CES5A: variants seen among roughly 807,000 people sequenced by gnomAD.
CES5A encodes the protein carboxylesterase 5.
In CES5A, 67 loss-of-function variants were observed where a neutral mutation model predicts 62.9. The ratio of observed to expected loss-of-function variants is 1.07; its 90% CI spans 0.88 to 1.31. The LOEUF is 1.31. Among genes scored for constraint, CES5A ranks in the 50% most tolerant of loss-of-function variants. CES5A has a pLI of 0.00. For missense variants in CES5A, 748 were observed against 708.5 expected (o/e 1.06, Z -0.63); for synonymous variants, 296 against 280.8 (o/e 1.05, Z -0.54).
intron 4 of CES5A, among the ~76,000 whole-genome samples, chr16:55,868,694 G>C (rs1171683309): frequency 2.0e-5 from 3 of 152,186 alleles, no homozygotes; most frequent in African/African-American, 7.2e-5. Flanking sequence ...ATGTGACAGT[G>C]ACCCGCAAGC....
At chr16:55,857,335 G>A (rs9940306) in intron 8 of CES5A, among the ~76,000 whole-genome samples, 49,934 of 152,066 alleles carry the variant, frequency 0.33, 9,412 homozygotes, top group African/African-American at 0.52. Context: ...TGTAGTAAGT[G>A]CTTCCTGTGA....
chr16:55,907,665 C>T (rs191632707), intron 1 of CES5A, among the ~76,000 whole-genome samples: 2 of 152,272 alleles, frequency 1.3e-5, no homozygotes, highest in African/African-American at 4.8e-5. Context: ...TGTGGACCAG[C>T]ATAGTCAGAG....
chr16:55,863,456 G>T lies in CES5A; in HGVS notation c.706-4C>A, dbSNP rs762784595. The T allele has an allele frequency of 9.4e-6, 14 of 1,483,730 alleles. No homozygotes were observed. The South Asian group carries it at 1.6e-4, about 17-fold the overall frequency. The allele number at this position is 1,483,730 out of a possible 1,614,324, so 91.9% of individuals were successfully genotyped here. ...CTTTGGCCATGGGAGACAGTATCTG[G>T]AGAGAGAACACAGAAGACCCAGGAA... On this transcript the variant is annotated splice_region_variant and splice_polypyrimidine_tract_variant and intron_variant, in intron 5 of 12. Coordinates refer to ENST00000290567, the MANE Select transcript of CES5A (RefSeq NM_001143685.2).
At position 55,871,610 on chromosome 16, in the gene CES5A, A is replaced by T. The variant is rs1323426454; in HGVS notation, c.417+15T>A. 8.1e-6 allele frequency: 13 copies of T among 1,613,594 alleles called. No individual in the cohort carries two copies. Among genetic ancestry groups the T allele is most frequent in the Non-Finnish European group, 1.1e-5 (13 of 1,179,850 alleles). On this transcript the variant is annotated intron_variant, in intron 3 of 12. Coordinates refer to ENST00000290567, the MANE Select transcript of CES5A (RefSeq NM_001143685.2). ...CTGCTAGCTAGAGCCCGAAGCACACAGCAGGCAGCCTTACGGGGAGCTTGG... is the reference window on the plus strand; with the variant it reads ...CTGCTAGCTAGAGCCCGAAGCACACTGCAGGCAGCCTTACGGGGAGCTTGG...
At chr16:55,901,116 G>A (rs2033986273) in intron 1 of CES5A, among the ~76,000 whole-genome samples, 1 of 152,142 alleles carries the variant, frequency 6.6e-6, no homozygotes, top group African/African-American at 2.4e-5. Flanking sequence ...ATTGAATCAT[G>A]TGGGTGGGTC....
At chr16:55,854,866 CCTT>C (rs2033208970) in intron 9 of CES5A, among the ~76,000 whole-genome samples, 1 of 151,980 alleles carries the variant, frequency 6.6e-6, no homozygotes, top group South Asian at 2.1e-4. Context: ...AATCAAATGT[CCTT>C]CTTCCTTCTG....
At chr16:55,883,897 C>A (rs1305580779) in intron 1 of CES5A, among the ~76,000 whole-genome samples, 1 of 152,178 alleles carries the variant, frequency 6.6e-6, no homozygotes, top group Non-Finnish European at 1.5e-5. Flanking sequence ...CACTGTAAGC[C>A]AGTCTTTAGC....
intron 1 of CES5A, among the ~76,000 whole-genome samples, chr16:55,888,014 G>A (rs770182310): frequency 3.3e-5 from 5 of 152,140 alleles, no homozygotes; most frequent in Non-Finnish European, 7.3e-5. Context: ...GGTGATACCT[G>A]GACATAGGAA....
intron 2 of CES5A, among the ~76,000 whole-genome samples, chr16:55,943,782 A>G (rs1274442214): frequency 1.3e-5 from 2 of 152,166 alleles, no homozygotes; most frequent in African/African-American, 2.4e-5. Context: ...GAACAGAAAG[A>G]CAGGCCGGAA....
At chr16:55,919,554 C>T (rs1433783108) in intron 1 of CES5A, among the ~76,000 whole-genome samples, 1 of 152,200 alleles carries the variant, frequency 6.6e-6, no homozygotes, top group African/African-American at 2.4e-5. Flanking sequence ...TGGTGACCTC[C>T]CTTTGTCTCT....
At chr16:55,937,087 G>A (rs1041805377) in intron 2 of CES5A, among the ~76,000 whole-genome samples, 9 of 152,298 alleles carry the variant, frequency 5.9e-5, no homozygotes, top group African/African-American at 1.9e-4. Context: ...AGCAGAGAGG[G>A]TAGTTCTCTC....
rs1392322697 is a variant in CES5A, at chr16:55,856,535, G to A, written c.1057-90C>T. 20 of 1,244,776 alleles carry A rather than the reference G, an allele frequency of 1.6e-5. No individual in the cohort carries two copies. The African/African-American group carries it at 2.4e-4, about 15-fold the overall frequency. The allele number at this position is 1,244,776 out of a possible 1,614,324, so 77.1% of individuals were successfully genotyped here. ...GGGCCTGGGCAGCTGACTTTCACAG[G>A]GGAAGTTGGATAAGGAGCCCTCAAG... On this transcript the variant is annotated intron_variant, in intron 8 of 12. Transcript: ENST00000290567.
chr16:55,944,869 G>C (rs769911231), intron 2 of CES5A, among the ~76,000 whole-genome samples: 1 of 152,114 alleles, frequency 6.6e-6, no homozygotes, highest in African/African-American at 2.4e-5. Flanking sequence ...ATATCTACTT[G>C]TGTGCAAAGG....
intron 1 of CES5A, among the ~76,000 whole-genome samples, chr16:55,955,575 A>G (rs1211288727): frequency 6.6e-6 from 1 of 152,198 alleles, no homozygotes; most frequent in Non-Finnish European, 1.5e-5. Context: ...CACATGCCGC[A>G]TGGAGGAAAG....
chr16:55,873,975 T>C lies in CES5A; in HGVS notation c.136A>G (p.Thr46Ala). Residue 46 changes from threonine (T) to alanine (A), a missense_variant, in exon 2 of 13, where the codon ACT becomes GCT. Transcript: ENST00000290567. The part of the protein sequence containing the change: ...RLGWIQGKQV[T>A]VLGSPVPVNV... The stretch of plus-strand genomic sequence containing the variant: ...ACAGGCACAGGGCTTCCCAGCACAG[T>C]GACTTGCTTGCCCTGAATCCATCCC... 6.2e-7 allele frequency: 1 copy of C among 1,612,694 alleles called. No homozygotes were observed. The highest frequency in any genetic ancestry group is 8.5e-7 in the Non-Finnish European group (1 of 1,179,662).
intron 1 of CES5A, among the ~76,000 whole-genome samples, chr16:55,913,139 G>C (rs969381420): frequency 2.6e-5 from 4 of 152,148 alleles, no homozygotes; most frequent in African/African-American, 9.7e-5. Flanking sequence ...AGATAATTTG[G>C]CAGGTAGAAG....
At chr16:55,927,917 T>C (rs1379221336), upstream of CES5A, among the ~76,000 whole-genome samples, 5 of 152,296 alleles carry the variant, frequency 3.3e-5, no homozygotes, top group Admixed American at 2.6e-4. Flanking sequence ...ATGGTATACA[T>C]ATACCATGGA....
chr16:55,856,365 C>A lies in CES5A; in HGVS notation c.1125+12G>T, dbSNP rs1352978648. On this transcript the variant is annotated intron_variant, in intron 9 of 12. Coordinates refer to ENST00000290567, the MANE Select transcript of CES5A (RefSeq NM_001143685.2). ...GTGTCTCTGGAGTACTGCAGCCTCC[C>A]AAGCTACTCACCAGGATGTTTTGTA... 1.2e-6 allele frequency: 2 copies of A among 1,613,784 alleles called. No individual in the cohort carries two copies.
intron 2 of CES5A, 93 bp from the exon 3 acceptor site, chr16:55,871,856 G>T (rs78002815): frequency 0.018 from 24,898 of 1,354,084 alleles, 315 homozygotes; most frequent in Non-Finnish European, 0.022. Context: ...AGGCCTGGCC[G>T]TCTCCTCTGC....
Sources: gnomAD v4.1 joint callset for allele counts (sites outside exome capture counted in the v4.1 genomes callset) on GRCh38, gnomAD v4.1.1 for gene constraint, MANE v1.5 for transcripts, NCBI Gene and HGNC (gene_info 2026-07-23, HGNC 2026-07-21) for gene names.